The following KNL1 variants were observed in gnomAD, a reference collection of about 807,000 sequenced individuals.
KNL1 encodes kinetochore scaffold 1, also known as outer kinetochore KNL1 complex subunit KNL1.
A neutral mutation model predicts 201.3 loss-of-function variants in KNL1; 66 were observed. The observed-to-expected ratio is 0.33, with a 90% CI of 0.27 to 0.40. The LOEUF is 0.40. Among genes scored for constraint, KNL1 ranks in the 10% least tolerant of loss-of-function variants. KNL1 has a pLI of 1.00. For synonymous variants in KNL1, 895 were observed against 899.2 expected (o/e 1.00, Z 0.08); for missense variants, 2,815 against 2,690.5 (o/e 1.05, Z -1.02).
At chr15:40,647,528 C>T (rs143671582) in intron 17 of KNL1, among the ~76,000 whole-genome samples, 44 of 151,996 alleles carry the variant, frequency 2.9e-4, no homozygotes, top group African/African-American at 1.0e-3. Flanking sequence ...ATTAAAGTTC[C>T]TTTACTATAG....
intron 17 of KNL1, among the ~76,000 whole-genome samples, chr15:40,649,558 G>A (rs1893492277): frequency 6.6e-6 from 1 of 151,140 alleles, no homozygotes; most frequent in East Asian, 2.0e-4. Flanking sequence ...GCCTCCCAAA[G>A]TGCTAGGATT....
At chr15:40,645,614 CGTTT>C (rs771041385) in intron 15 of KNL1, 38 bp from the exon 16 acceptor site, 3 of 1,094,156 alleles carry the variant, frequency 2.7e-6, no homozygotes, top group Non-Finnish European at 2.7e-6. Flanking sequence ...TCTTCTGACT[CGTTT>C]GTTTTAGTAC....
At chr15:40,647,875 C>T (rs1242200467) in intron 17 of KNL1, among the ~76,000 whole-genome samples, 2 of 152,174 alleles carry the variant, frequency 1.3e-5, no homozygotes, top group African/African-American at 4.8e-5. Flanking sequence ...GCTGCTCAAT[C>T]CAGCTTCTCT....
At chr15:40,642,303 G>A in intron 14 of KNL1, among the ~76,000 whole-genome samples, 1 of 151,968 alleles carries the variant, frequency 6.6e-6, no homozygotes, top group East Asian at 1.9e-4. Context: ...GGAGGCTGAG[G>A]CGGGAGAATG....
chr15:40,649,686 C>T (rs1055837866), intron 17 of KNL1, among the ~76,000 whole-genome samples: 1 of 152,060 alleles, frequency 6.6e-6, no homozygotes, highest in South Asian at 2.1e-4. Flanking sequence ...CTCACTGCAG[C>T]TTCAAACTCC....
At chr15:40,600,634 G>A (rs959753174) in intron 1 of KNL1, among the ~76,000 whole-genome samples, 3 of 152,218 alleles carry the variant, frequency 2.0e-5, no homozygotes, top group Admixed American at 6.5e-5. Flanking sequence ...ATTGCTAAAA[G>A]CAAGAACATT....
chr15:40,622,270 GC>G lies in KNL1; in HGVS notation c.2008del (p.His670IlefsTer3). On this transcript the variant is annotated frameshift_variant, in exon 10 of 26. Transcript: ENST00000399668. LOFTEE classifies it high-confidence loss of function. ...GATTGTAATCAGGAGATAGCAACAA[GC>G]CATAATATAGTCTACTGTGGTGGAG... ...SADCNQEIAT[S>X]HNIVYCGGVL... The G allele has an allele frequency of 1.2e-6, 2 of 1,613,982 alleles. No individual in the cohort carries two copies. The highest frequency in any genetic ancestry group is 1.7e-6 in the Non-Finnish European group (2 of 1,179,950).
intron 13 of KNL1, among the ~76,000 whole-genome samples, chr15:40,633,629 C>G (rs1245875812): frequency 6.6e-6 from 1 of 152,128 alleles, no homozygotes; most frequent in African/African-American, 2.4e-5. Context: ...CAGCTTCAAC[C>G]TCCTGTGCTC....
At chr15:40,625,687 G>A (rs1464563563) in intron 10 of KNL1, 47 bp downstream of exon 10, 5 of 1,494,682 alleles carry the variant, frequency 3.3e-6, no homozygotes, top group East Asian at 2.3e-5. Context: ...TTTGGGTTTT[G>A]TTTTGTTTTC....
At position 40,663,767 on chromosome 15, in the gene KNL1, G is replaced by T. The variant is rs943243409; in HGVS notation, c.*1579G>T. The stretch of plus-strand genomic sequence containing the variant: ...TCAAATCCTAATTGTGATAATTTTT[G>T]TTTTATATTTAATTATAAACCAAAA... On this transcript the variant is annotated 3_prime_UTR_variant, in exon 26 of 26. Transcript: ENST00000399668. The T allele has an allele frequency of 2.6e-5, 5 of 191,772 alleles. No homozygotes were observed. Among genetic ancestry groups the T allele is most frequent in the African/African-American group, 1.2e-4 (5 of 43,004 alleles). The allele number at this position is 191,772 out of a possible 1,614,324, so 11.9% of individuals were successfully genotyped here.
intron 13 of KNL1, among the ~76,000 whole-genome samples, chr15:40,632,716 A>G (rs1369838787): frequency 6.6e-6 from 1 of 152,218 alleles, no homozygotes; most frequent in Non-Finnish European, 1.5e-5. Flanking sequence ...ACAACTCAAT[A>G]ATAAAAATAC....
At position 40,640,951 on chromosome 15, in the gene KNL1, T is replaced by A. The variant is rs1388074561; in HGVS notation, c.5722T>A (p.Leu1908Ile). 1.2e-6 allele frequency: 2 copies of A among 1,613,414 alleles called. No individual in the cohort carries two copies. The highest frequency in any genetic ancestry group is 2.2e-5 in the South Asian group (2 of 91,036). Residue 1908 changes from leucine to isoleucine, a missense_variant, in exon 14 of 26, where the codon TTA (leucine) becomes ATA (isoleucine). Around this residue, in one of 3 missense-constraint regions of KNL1, gnomAD observed 2,464 missense variants for 2,291.7 expected, o/e 1.08. Coordinates refer to ENST00000399668, the MANE Select transcript of KNL1 (RefSeq NM_144508.5). ...NTPPTPEDLMLSQYVYRPKIQ... is the reference protein window; with the variant it reads ...NTPPTPEDLMISQYVYRPKIQ... ...ACCACCTACTCCAGAAGACCTGATG[T>A]TAAGTCAATATGTTTACCGACCCAA...
rs10444817 is a variant in KNL1 at position 40,654,825 on chromosome 15, C to T, written c.6416-84C>T. On this transcript the variant is annotated intron_variant, in intron 21 of 25. Transcript: ENST00000399668. ...CTGAGCTTGCAGTGGGCCAAGACTGCGCCATTGCACTCCAGCCTGGGAGAC... is the reference window on the plus strand; with the variant it reads ...CTGAGCTTGCAGTGGGCCAAGACTGTGCCATTGCACTCCAGCCTGGGAGAC... The T allele has an allele frequency of 0.4, 382,198 of 958,262 alleles. 78,039 individuals carry two copies. Among genetic ancestry groups the T allele is most frequent in the South Asian group, 0.5 (37,083 of 74,854 alleles). The allele number at this position is 958,262 out of a possible 1,614,324, so 59.4% of individuals were successfully genotyped here. A position where few individuals can be genotyped will look rare whatever the true frequency, so the allele number is the denominator to read the frequency against.
chr15:40,622,326 A>G lies in KNL1; in HGVS notation c.2062A>G (p.Thr688Ala), dbSNP rs895755253. The part of the protein sequence containing the change: ...VLDKQITNRN[T>A]VSWEQSLFST... ...TGATAAACAAATAACTAATAGAAATACAGTATCATGGGAACAATCTTTGTT... is the reference window on the plus strand; with the variant it reads ...TGATAAACAAATAACTAATAGAAATGCAGTATCATGGGAACAATCTTTGTT... Residue 688 changes from threonine to alanine, a missense_variant, in exon 10 of 26, where the codon ACA (threonine) becomes GCA (alanine). Physicochemically the swap from Thr to Ala is moderately conservative, Grantham distance 58. Around this residue, in one of 3 missense-constraint regions of KNL1, gnomAD observed 2,464 missense variants for 2,291.7 expected, o/e 1.08. Coordinates refer to ENST00000399668, the MANE Select transcript of KNL1 (RefSeq NM_144508.5). 3 of 1,613,716 alleles carry G rather than the reference A, an allele frequency of 1.9e-6. No individual in the cohort carries two copies. The highest frequency in any genetic ancestry group is 1.7e-5 in the Admixed American group (1 of 59,984).
Position 40,636,653 on chromosome 15 carries a change from A to AC in KNL1, c.5683-4252dup, listed in dbSNP as rs1200863259. Reference sequence around the variant, plus strand: ...AGACCAGCCTGGCCAACATGGTGAAACCCCCCCTCTACCAAAAAAATACTA... The same window carrying AC: ...AGACCAGCCTGGCCAACATGGTGAAACCCCCCCCTCTACCAAAAAAATACTA... On this transcript the variant is annotated intron_variant, in intron 13 of 25. Coordinates refer to ENST00000399668, the MANE Select transcript of KNL1 (RefSeq NM_144508.5). 1.6e-4 allele frequency among the ~76,000 whole-genome samples: 24 copies of AC among 151,598 alleles called. 1 individual carries two copies. The highest frequency in any genetic ancestry group is 7.2e-4 in the Admixed American group (11 of 15,186).
chr15:40,645,950 T>C (rs1893371280), intron 16 of KNL1, among the ~76,000 whole-genome samples, 178 bp downstream of exon 16: 1 of 152,218 alleles, frequency 6.6e-6, no homozygotes, highest in African/African-American at 2.4e-5. Flanking sequence ...TCTTGAGTAA[T>C]ACTGGAATAT....
intron 9 of KNL1, among the ~76,000 whole-genome samples, chr15:40,619,577 A>AT (rs952950570): frequency 1.3e-5 from 2 of 150,226 alleles, no homozygotes; most frequent in East Asian, 2.0e-4. Context: ...AATTTTGTTC[A>AT]TTTTTTTGTA....
At chr15:40,617,975 TAAAAAAAAAAAAAAAAAAAAAAAAAAAA>T (rs71104706) in intron 8 of KNL1, among the ~76,000 whole-genome samples, 1 of 47,214 alleles carries the variant, frequency 2.1e-5, no homozygotes, top group African/African-American at 1.2e-4. Flanking sequence ...AGGCTTTTAG[TAAAAAAAAAAAAAAAAAAAAAAAAAAAA>T]AAAAAAAAAA....
intron 13 of KNL1, among the ~76,000 whole-genome samples, chr15:40,635,373 A>T (rs936833367): frequency 2.8e-5 from 4 of 142,920 alleles, no homozygotes; most frequent in African/African-American, 1.1e-4. Context: ...TTGTTTTTTG[A>T]GATGGAATTT....
Sources: gnomAD v4.1 joint callset for allele counts (sites outside exome capture counted in the v4.1 genomes callset) on GRCh38, gnomAD v4.1.1 for gene constraint, gnomAD v4.1.1 regional missense constraint, MANE v1.5 for transcripts, NCBI Gene and HGNC (gene_info 2026-07-23, HGNC 2026-07-21) for gene names.